ANKFN1: variants seen among roughly 807,000 people sequenced by gnomAD.
ANKFN1 encodes the protein ankyrin repeat and fibronectin type III domain containing 1, also known as ankyrin repeat and fibronectin type-III domain-containing protein 1.
A neutral mutation model predicts 108.7 loss-of-function variants in ANKFN1; 74 were observed. The observed-to-expected ratio is 0.68, with a 90% confidence interval of 0.56 to 0.83. ANKFN1 has a LOEUF of 0.83. Ranked by LOEUF, ANKFN1 falls within the 40% of genes least tolerant of loss-of-function variation. The pLI, the probability that ANKFN1 is intolerant of heterozygous loss-of-function variation, is 0.00. For synonymous variants in ANKFN1, 547 were observed against 516.2 expected, an observed-to-expected ratio of 1.06 and a Z score of -0.81; for missense variants, 1,505 against 1,382.3, an observed-to-expected ratio of 1.09 and a Z score of -1.41.
intron 18 of ANKFN1, among the ~76,000 whole-genome samples, chr17:56,491,053 C>T (rs2145414704): frequency 6.6e-6 from 1 of 152,172 alleles, no homozygotes; most frequent in Non-Finnish European, 1.5e-5. Context: ...GACCAATGCC[C>T]CATTTTGAGG....
intron 4 of ANKFN1, among the ~76,000 whole-genome samples, chr17:56,135,866 G>A (rs892358687): frequency 3.3e-5 from 5 of 152,082 alleles, no homozygotes; most frequent in Non-Finnish European, 7.4e-5. Context: ...ACTAATCCAG[G>A]AAGTAAGCAA....
At chr17:56,049,680 T>C (rs1395508655) in intron 4 of ANKFN1, among the ~76,000 whole-genome samples, 1 of 150,118 alleles carries the variant, frequency 6.7e-6, no homozygotes, top group Non-Finnish European at 1.5e-5. Context: ...CCGAGAATGA[T>C]GATTTCCAAT....
chr17:56,118,537 G>A (rs1157395155), intron 4 of ANKFN1, among the ~76,000 whole-genome samples: 1 of 152,042 alleles, frequency 6.6e-6, no homozygotes, highest in East Asian at 1.9e-4. Context: ...TGCAACTACT[G>A]CTGCTATTGA....
At chr17:56,162,350 A>G (rs1323285707) in intron 1 of ANKFN1, among the ~76,000 whole-genome samples, 2 of 152,222 alleles carry the variant, frequency 1.3e-5, no homozygotes, top group Non-Finnish European at 2.9e-5. Flanking sequence ...CTGGAAGCCC[A>G]AGATCAAGGT....
intron 4 of ANKFN1, among the ~76,000 whole-genome samples, chr17:56,077,524 T>C (rs1278991478): frequency 6.6e-6 from 1 of 151,030 alleles, no homozygotes; most frequent in Non-Finnish European, 1.5e-5. Context: ...TACATACCTG[T>C]GTGTGATTTT....
intron 2 of ANKFN1, among the ~76,000 whole-genome samples, chr17:56,227,244 A>G (rs1567850314): frequency 6.6e-6 from 1 of 152,138 alleles, no homozygotes; most frequent in Non-Finnish European, 1.5e-5. Context: ...ATTTGGAAGC[A>G]AGCTGAATTG....
At chr17:56,368,436 C>T (rs542059203) in intron 6 of ANKFN1, among the ~76,000 whole-genome samples, 49 of 151,354 alleles carry the variant, frequency 3.2e-4, no homozygotes, top group African/African-American at 1.0e-3. Context: ...CCGGTCACCA[C>T]GCAAGGCTAA....
chr17:56,174,662 A>T (rs1910968011), intron 1 of ANKFN1, among the ~76,000 whole-genome samples: 1 of 152,134 alleles, frequency 6.6e-6, no homozygotes, highest in Non-Finnish European at 1.5e-5. Context: ...TTGCCCAGAG[A>T]AGTCTCCAGG....
intron 4 of ANKFN1, among the ~76,000 whole-genome samples, chr17:56,128,348 G>A (rs1332159499): frequency 6.6e-6 from 1 of 152,018 alleles, no homozygotes; most frequent in Non-Finnish European, 1.5e-5. Flanking sequence ...TTTGCTTTGT[G>A]ATTTTCCTTG....
At chr17:56,436,837 C>CA (rs965424286) in intron 8 of ANKFN1, among the ~76,000 whole-genome samples, 3,891 of 78,890 alleles carry the variant, frequency 0.049, 143 homozygotes, top group African/African-American at 0.15. Context: ...AACTCCATCT[C>CA]AAAAAAAAAA....
intron 4 of ANKFN1, among the ~76,000 whole-genome samples, chr17:56,094,788 G>A (rs935291882): frequency 2.0e-5 from 3 of 149,794 alleles, no homozygotes; most frequent in Non-Finnish European, 4.5e-5. Context: ...CCAAAGTGTC[G>A]GGATTACAGG....
intron 7 of ANKFN1, among the ~76,000 whole-genome samples, chr17:56,373,256 C>A (rs1281425764): frequency 2.0e-5 from 3 of 152,216 alleles, no homozygotes; most frequent in Non-Finnish European, 4.4e-5. Context: ...CGCTCTACTG[C>A]ATTTTTTTAT....
chr17:56,509,368 A>C (rs1474533997), intron 20 of ANKFN1, among the ~76,000 whole-genome samples: 1 of 152,210 alleles, frequency 6.6e-6, no homozygotes, highest in African/African-American at 2.4e-5. Context: ...TGTGGCTTCT[A>C]TCTCCAAGGT....
chr17:56,283,195 T>C (rs921963916), intron 3 of ANKFN1, among the ~76,000 whole-genome samples: 2 of 152,160 alleles, frequency 1.3e-5, no homozygotes, highest in Non-Finnish European at 2.9e-5. Flanking sequence ...AGTGAGAACA[T>C]GCAGTATTTG....
At chr17:56,500,075 C>A (rs1437642079) in intron 20 of ANKFN1, among the ~76,000 whole-genome samples, 3 of 152,130 alleles carry the variant, frequency 2.0e-5, no homozygotes, top group Non-Finnish European at 4.4e-5. Flanking sequence ...GCTGTATGAG[C>A]TTGAACAGAT....
At chr17:56,179,231 C>G (rs1234870666) in intron 1 of ANKFN1, among the ~76,000 whole-genome samples, 1 of 152,146 alleles carries the variant, frequency 6.6e-6, no homozygotes, top group African/African-American at 2.4e-5. Context: ...TCAGGAAATT[C>G]TAGGCTTAGG....
chr17:56,132,206 A>G (rs1398896927), intron 4 of ANKFN1, among the ~76,000 whole-genome samples: 1 of 152,222 alleles, frequency 6.6e-6, no homozygotes, highest in Non-Finnish European at 1.5e-5. Flanking sequence ...CTCTCAATTA[A>G]TATAAAAGTA....
intron 3 of ANKFN1, among the ~76,000 whole-genome samples, chr17:56,309,944 C>T (rs1204357994): frequency 2.6e-5 from 4 of 152,134 alleles, no homozygotes; most frequent in African/African-American, 9.7e-5. Context: ...ATAGCACGGG[C>T]GTTGTGATGT....
chr17:56,280,529 C>T (rs935346080), intron 3 of ANKFN1, among the ~76,000 whole-genome samples: 2 of 152,146 alleles, frequency 1.3e-5, no homozygotes, highest in Admixed American at 1.3e-4. Flanking sequence ...TGAACTTGAA[C>T]TGAATTCTAT....
Sources: gnomAD v4.1 joint callset for allele counts (sites outside exome capture counted in the v4.1 genomes callset) on GRCh38, gnomAD v4.1.1 for gene constraint, MANE v1.5 for transcripts, NCBI Gene and HGNC (gene_info 2026-07-23, HGNC 2026-07-21) for gene names.